Variants in DPP6 observed in about 807,000 individuals in gnomAD.
DPP6 encodes the protein dipeptidyl peptidase like 6, also known as A-type potassium channel modulatory protein DPP6.
A neutral mutation model predicts 122.6 loss-of-function variants in DPP6; 69 were observed. The ratio of observed to expected loss-of-function variants is 0.56; its 90% CI spans 0.46 to 0.69. The LOEUF (loss-of-function observed/expected upper bound fraction) is 0.69. Among genes scored for constraint, DPP6 ranks in the 30% least tolerant of loss-of-function variants. The pLI is 0.00. For synonymous variants in DPP6, 418 were observed against 433.1 expected, an observed-to-expected ratio of 0.97 and a Z score of 0.43; for missense variants, 928 against 1,116.9, an observed-to-expected ratio of 0.83 and a Z score of 2.41.
intron 3 of DPP6, among the ~76,000 whole-genome samples, chr7:154,477,451 A>C (rs2151356177): frequency 6.6e-6 from 1 of 152,262 alleles, no homozygotes; most frequent in Admixed American, 6.5e-5. Flanking sequence ...GTTGAAATAA[A>C]GTGTATTCAT....
At chr7:154,104,520 G>A (rs1469277416) in intron 1 of DPP6, among the ~76,000 whole-genome samples, 1 of 152,258 alleles carries the variant, frequency 6.6e-6, no homozygotes, top group Non-Finnish European at 1.5e-5. Context: ...GTATTTCAAA[G>A]ATCACATGAC....
chr7:154,788,100 T>G (rs888696173), intron 10 of DPP6, among the ~76,000 whole-genome samples: 1 of 152,158 alleles, frequency 6.6e-6, no homozygotes, highest in African/African-American at 2.4e-5. Flanking sequence ...TTTTTAATTT[T>G]GAGCCATTAA....
chr7:153,916,067 C>T (rs1219963288), intron 1 of DPP6, among the ~76,000 whole-genome samples: 8 of 150,286 alleles, frequency 5.3e-5, no homozygotes, highest in South Asian at 2.1e-4. Context: ...CCCAGGTTCA[C>T]GCCATTCTCC....
intron 1 of DPP6, among the ~76,000 whole-genome samples, chr7:153,974,618 G>A (rs1796201817): frequency 6.6e-6 from 1 of 152,090 alleles, no homozygotes; most frequent in Non-Finnish European, 1.5e-5. Flanking sequence ...TCTTTCTTTT[G>A]GATTCTCTCC....
intron 3 of DPP6, among the ~76,000 whole-genome samples, chr7:154,529,996 C>T (rs1003894613): frequency 1.3e-5 from 2 of 151,942 alleles, no homozygotes; most frequent in African/African-American, 4.8e-5. Context: ...CGTGGTGGCA[C>T]ATATCTGTGG....
the DPP6 span, among the ~76,000 whole-genome samples, chr7:153,802,970 CGGCA>C: frequency 6.6e-6 from 1 of 151,672 alleles, no homozygotes; most frequent in South Asian, 2.1e-4. Context: ...ATGCTCAGCC[CGGCA>C]GGCAGGCAGG....
chr7:153,994,956 A>G (rs1797355688), intron 1 of DPP6, among the ~76,000 whole-genome samples: 1 of 152,240 alleles, frequency 6.6e-6, no homozygotes, highest in African/African-American at 2.4e-5. Flanking sequence ...TGCTTTATTT[A>G]CTTTGAGTTT....
chr7:154,669,245 G>T (rs1838392553), intron 6 of DPP6, 115 bp from the exon 7 acceptor site: 1 of 1,475,186 alleles, frequency 6.8e-7, no homozygotes, highest in Non-Finnish European at 9.2e-7. Context: ...CTCTTGAAAT[G>T]GATACCATGG....
At chr7:154,151,619 C>T (rs527727319) in intron 1 of DPP6, among the ~76,000 whole-genome samples, 3 of 152,348 alleles carry the variant, frequency 2.0e-5, no homozygotes, top group Non-Finnish European at 4.4e-5. Context: ...CAGGTACACA[C>T]ATAGCCATCC....
chr7:154,571,023 G>A (rs1373399574), intron 5 of DPP6, among the ~76,000 whole-genome samples: 1 of 152,100 alleles, frequency 6.6e-6, no homozygotes, highest in Admixed American at 6.5e-5. Context: ...GATCATTCCT[G>A]CTCCAAAGAG....
chr7:154,736,085 G>C (rs781417931), intron 8 of DPP6, among the ~76,000 whole-genome samples: 3 of 152,222 alleles, frequency 2.0e-5, no homozygotes, highest in Non-Finnish European at 4.4e-5. Flanking sequence ...CTGTTTCTGC[G>C]ATCATGGGCA....
chr7:154,493,454 G>A (rs1046143387), intron 3 of DPP6, among the ~76,000 whole-genome samples: 2 of 152,134 alleles, frequency 1.3e-5, no homozygotes, highest in African/African-American at 4.8e-5. Context: ...TTGACACAAA[G>A]AATTGAGGAT....
At chr7:153,794,892 G>A in the DPP6 span, among the ~76,000 whole-genome samples, 7 of 152,032 alleles carry the variant, frequency 4.6e-5, no homozygotes, top group African/African-American at 1.4e-4. Context: ...ATTTTCTCTC[G>A]CCGCCATCAT....
chr7:154,183,466 A>T (rs1050209777), intron 1 of DPP6, among the ~76,000 whole-genome samples: 1 of 152,214 alleles, frequency 6.6e-6, no homozygotes, highest in African/African-American at 2.4e-5. Context: ...AAATATGTCC[A>T]GTCCCTCCTG....
chr7:154,527,133 C>T (rs1586545269), intron 3 of DPP6, among the ~76,000 whole-genome samples: 1 of 152,132 alleles, frequency 6.6e-6, no homozygotes, highest in Non-Finnish European at 1.5e-5. Flanking sequence ...AATAAACCTC[C>T]AAATCTGTTT....
At chr7:154,367,514 A>C (rs1394158121) in intron 1 of DPP6, among the ~76,000 whole-genome samples, 1 of 152,284 alleles carries the variant, frequency 6.6e-6, no homozygotes, top group African/African-American at 2.4e-5. Flanking sequence ...CTCCACCAAC[A>C]CCTGGTGTAT....
At chr7:153,966,666 A>ATATGTAT (rs1188318771) in intron 1 of DPP6, among the ~76,000 whole-genome samples, 1 of 147,886 alleles carries the variant, frequency 6.8e-6, no homozygotes. Context: ...GGTTTGTTAC[A>ATATGTAT]TATGTATACA....
At chr7:154,314,611 G>C (rs969710388) in intron 1 of DPP6, among the ~76,000 whole-genome samples, 2 of 152,228 alleles carry the variant, frequency 1.3e-5, no homozygotes, top group East Asian at 3.9e-4. Context: ...CCCAGGGCAT[G>C]GGGGAGCCCA....
intron 1 of DPP6, among the ~76,000 whole-genome samples, chr7:154,220,171 C>A (rs772581513): frequency 1.3e-5 from 2 of 152,140 alleles, no homozygotes; most frequent in African/African-American, 2.4e-5. Context: ...GGGTCCTTTG[C>A]GGAAGTAATT....
Sources: gnomAD v4.1 joint callset for allele counts (sites outside exome capture counted in the v4.1 genomes callset) on GRCh38, gnomAD v4.1.1 for gene constraint, MANE v1.5 for transcripts, NCBI Gene and HGNC (gene_info 2026-07-23, HGNC 2026-07-21) for gene names.